The following KIRREL3 variants were observed in gnomAD, a reference collection of about 807,000 sequenced individuals.
KIRREL3 encodes the protein kirre like nephrin family adhesion molecule 3.
KIRREL3 carries 36 observed loss-of-function variants against 89.7 expected under a neutral mutation model. The ratio of observed to expected loss-of-function variants is 0.40; its 90% CI spans 0.31 to 0.53. The LOEUF (loss-of-function observed/expected upper bound fraction) is 0.53. Among genes scored for constraint, KIRREL3 ranks in the 20% least tolerant of loss-of-function variants. The pLI, the probability that KIRREL3 is intolerant of heterozygous loss-of-function variation, is 0.49. For missense variants in KIRREL3, 864 were observed against 1,056.6 expected (o/e 0.82, Z 2.53); for synonymous variants, 445 against 441.4 (o/e 1.01, Z -0.10).
chr11:126,507,549 G>A (rs1175594587), intron 4 of KIRREL3, among the ~76,000 whole-genome samples: 2 of 152,036 alleles, frequency 1.3e-5, no homozygotes, highest in Non-Finnish European at 2.9e-5. Context: ...AACTCCCTCC[G>A]CTACAATATG....
chr11:126,972,190 G>GAGAGAGAGAGAGAGAGAGAGAGAA (rs1949443646), intron 1 of KIRREL3, among the ~76,000 whole-genome samples: 1 of 151,892 alleles, frequency 6.6e-6, no homozygotes, highest in Non-Finnish European at 1.5e-5. Context: ...GAGAGAGAGA[G>GAGAGAGAGAGAGAGAGAGAGAGAA]AGAGAGAGAG....
At chr11:126,644,987 C>T (rs908378836) in intron 1 of KIRREL3, among the ~76,000 whole-genome samples, 1 of 152,074 alleles carries the variant, frequency 6.6e-6, no homozygotes, top group African/African-American at 2.4e-5. Flanking sequence ...AATCTATGCC[C>T]TGGAAGAGGT....
chr11:126,863,672 T>A (rs959386266), intron 1 of KIRREL3, among the ~76,000 whole-genome samples: 2 of 152,016 alleles, frequency 1.3e-5, no homozygotes, highest in Non-Finnish European at 2.9e-5. Context: ...AGTGTATGTG[T>A]GAGTGAGTGT....
rs1250679643 is a variant in KIRREL3 at position 126,750,879 on chromosome 11, C to G, written c.56-187967G>C. 6.6e-6 allele frequency among the ~76,000 whole-genome samples: 1 copy of G among 152,186 alleles called. No homozygotes were observed. Among genetic ancestry groups the G allele is most frequent in the Non-Finnish European group, 1.5e-5 (1 of 68,030 alleles). The stretch of plus-strand genomic sequence containing the variant: ...TACTAATAAAACACATGATAGTTAT[C>G]ACTTTAGGGATGGCTTTGATTTGCA... On this transcript the variant is annotated intron_variant, in intron 1 of 16. Coordinates refer to ENST00000525144, the MANE Select transcript of KIRREL3 (RefSeq NM_032531.4). This position sits in a 1 kb window ranked among gnomAD's most constrained non-coding sequence, Gnocchi z 4.2.
chr11:126,619,183 T>C (rs986163481), intron 1 of KIRREL3, among the ~76,000 whole-genome samples: 1 of 152,176 alleles, frequency 6.6e-6, no homozygotes, highest in African/African-American at 2.4e-5. Flanking sequence ...TGAGTTGAGA[T>C]CTGAATGACA....
At chr11:126,673,902 G>A (rs978665154) in intron 1 of KIRREL3, among the ~76,000 whole-genome samples, 4 of 152,210 alleles carry the variant, frequency 2.6e-5, no homozygotes, top group South Asian at 2.1e-4. Flanking sequence ...CCCTCTGTAC[G>A]GAGCTCAGTA....
In KIRREL3 at chr11:126,568,662, T is replaced by C. The variant is rs1007485775; in HGVS notation, c.56-5750A>G. ...CCAGTGAGCAACTCTTAGGCTTCTC[T>C]GAGCTTTGGTTTCCTCATTTATAAA... On this transcript the variant is annotated intron_variant, in intron 1 of 16. Transcript: ENST00000525144. The surrounding 1 kb of genome is among the most constrained non-coding windows in gnomAD (Gnocchi z 4.6). 3.3e-5 allele frequency among the ~76,000 whole-genome samples: 5 copies of C among 152,190 alleles called. No individual in the cohort carries two copies. The highest frequency in any genetic ancestry group is 9.6e-5 in the African/African-American group (4 of 41,464).
chr11:126,613,893 T>TTTTTTTTTTTTTTTTG (rs371748740), intron 1 of KIRREL3, among the ~76,000 whole-genome samples: 5 of 118,640 alleles, frequency 4.2e-5, no homozygotes, highest in Non-Finnish European at 8.4e-5. Flanking sequence ...TTTTTTTTTT[T>TTTTTTTTTTTTTTTTG]ATTTTTTTCC....
rs1565488080 is a variant in KIRREL3, at chr11:126,996,880, C to T, written c.55+3575G>A. 6.6e-6 allele frequency among the ~76,000 whole-genome samples: 1 copy of T among 152,230 alleles called. No homozygotes were observed. The stretch of plus-strand genomic sequence containing the variant: ...AGCAGAATTAGAACCTTCACAACCA[C>T]AGAATCACAAGGCAGGACAGGACGC... On this transcript the variant is annotated intron_variant, in intron 1 of 16. Transcript: ENST00000525144. The surrounding 1 kb of genome is among the most constrained non-coding windows in gnomAD (Gnocchi z 4.7).
chr11:126,465,002 C>T (rs1426513522), intron 5 of KIRREL3, among the ~76,000 whole-genome samples: 2 of 152,188 alleles, frequency 1.3e-5, no homozygotes, highest in Non-Finnish European at 2.9e-5. Context: ...CTCTCCTGTT[C>T]CTCTTTGCAG....
rs757956323 is a variant in KIRREL3 at position 126,521,468 on chromosome 11, T to C, written c.284-4A>G. Reference sequence around the variant, plus strand: ...ACCACCAGGTACTGTGGGTAACCTGTGGAGACAACAGGCAGGTCAGGGAGC... The same window carrying C: ...ACCACCAGGTACTGTGGGTAACCTGCGGAGACAACAGGCAGGTCAGGGAGC... On this transcript the variant is annotated splice_region_variant and splice_polypyrimidine_tract_variant and intron_variant, in intron 3 of 16. Transcript: ENST00000525144. The surrounding 1 kb of genome is among the most constrained non-coding windows in gnomAD (Gnocchi z 4.1). 1.2e-5 allele frequency: 19 copies of C among 1,580,070 alleles called. No homozygotes were observed. In the Middle Eastern group the frequency reaches 6.6e-4, roughly 55 times the overall value.
intron 1 of KIRREL3, among the ~76,000 whole-genome samples, chr11:126,633,076 T>C (rs1471032196): frequency 6.6e-6 from 1 of 152,090 alleles, no homozygotes; most frequent in Non-Finnish European, 1.5e-5. Flanking sequence ...AGTGAGACCC[T>C]GTCTAAAAAA....
In KIRREL3 at chr11:126,740,941, C is replaced by A. The variant is rs546458760; in HGVS notation, c.56-178029G>T. ...GTGACAAGGTTCTTGGAAATATCAT[C>A]AGATAGTGCTTACTTTGGGGCTGAG... On this transcript the variant is annotated intron_variant, in intron 1 of 16. Coordinates refer to ENST00000525144, the MANE Select transcript of KIRREL3 (RefSeq NM_032531.4). The surrounding 1 kb of genome is among the most constrained non-coding windows in gnomAD (Gnocchi z 6.0). Among the ~76,000 whole-genome samples the A allele has an allele frequency of 1.3e-5, 2 of 152,208 alleles. No homozygotes were observed. Among genetic ancestry groups the A allele is most frequent in the South Asian group, 4.2e-4 (2 of 4,818 alleles).
rs141154588 is a variant in KIRREL3, at chr11:126,802,338, G to A, written c.55+198117C>T. ...CCCAGGGAGATGGCGTTAGTGCCAG[G>A]CGGCCCGTGGAGAAAAGCTTTCGCT... On this transcript the variant is annotated intron_variant, in intron 1 of 16. Transcript: ENST00000525144. This position sits in a 1 kb window ranked among gnomAD's most constrained non-coding sequence, Gnocchi z 5.2. Among the ~76,000 whole-genome samples, 1,954 of 152,288 alleles carry A rather than the reference G, an allele frequency of 0.013. 28 individuals carry two copies. The highest frequency in any genetic ancestry group is 0.04 in the African/African-American group (1,678 of 41,554).
chr11:126,482,844 G>A (rs745488192), intron 4 of KIRREL3, among the ~76,000 whole-genome samples: 11 of 152,238 alleles, frequency 7.2e-5, no homozygotes, highest in Non-Finnish European at 1.5e-4. Context: ...GGGCTGCAAA[G>A]GCACATGTGA....
intron 1 of KIRREL3, among the ~76,000 whole-genome samples, chr11:126,593,403 C>T (rs1035783933): frequency 5.9e-5 from 9 of 152,246 alleles, no homozygotes; most frequent in Non-Finnish European, 1.0e-4. Context: ...CTGTCCCCAG[C>T]TCTAAGCCAC....
chr11:126,775,666 A>C (rs1357505919), intron 1 of KIRREL3, among the ~76,000 whole-genome samples: 1 of 152,204 alleles, frequency 6.6e-6, no homozygotes, highest in Non-Finnish European at 1.5e-5. Context: ...CTCCCTAAGA[A>C]AAGAATGCCT....
intron 1 of KIRREL3, among the ~76,000 whole-genome samples, chr11:126,938,799 C>T (rs1592415597): frequency 6.6e-6 from 1 of 152,172 alleles, no homozygotes; most frequent in South Asian, 2.1e-4. Flanking sequence ...ACACTGATTA[C>T]AAGATGCACA....
chr11:126,932,729 G>A (rs1018365976), intron 1 of KIRREL3, among the ~76,000 whole-genome samples: 5 of 152,208 alleles, frequency 3.3e-5, no homozygotes, highest in Non-Finnish European at 7.3e-5. Context: ...TTACTTGTAA[G>A]TGAACAGCTT....
Sources: gnomAD v4.1 joint callset for allele counts (sites outside exome capture counted in the v4.1 genomes callset) on GRCh38, gnomAD v4.1.1 for gene constraint, Gnocchi (gnomAD v3.1) non-coding constraint, MANE v1.5 for transcripts, NCBI Gene and HGNC (gene_info 2026-07-23, HGNC 2026-07-21) for gene names.